Variants in PTPRK observed in about 807,000 individuals in gnomAD.
PTPRK encodes the protein protein tyrosine phosphatase receptor type K.
Under a neutral mutation model 178.0 loss-of-function variants are expected in PTPRK, and 75 were observed. That is an observed-to-expected ratio of 0.42 (90% confidence interval 0.35 to 0.51). The LOEUF (loss-of-function observed/expected upper bound fraction) is 0.51, where lower values mean the gene tolerates loss of function less well. Among genes scored for constraint, PTPRK ranks in the 20% least tolerant of loss-of-function variants. The pLI is 0.02. For synonymous variants in PTPRK, 637 were observed against 620.6 expected (o/e 1.03, Z -0.39); for missense variants, 1,441 against 1,797.8 (o/e 0.80, Z 3.59).
At chr6:128,270,406 T>G (rs901258701) in intron 3 of PTPRK, among the ~76,000 whole-genome samples, 2 of 152,122 alleles carry the variant, frequency 1.3e-5, no homozygotes, top group South Asian at 4.1e-4. Context: ...ATTAAATTAG[T>G]GACAAATAAA....
intron 1 of PTPRK, among the ~76,000 whole-genome samples, chr6:128,459,483 C>A (rs1252900373): frequency 6.6e-6 from 1 of 152,138 alleles, no homozygotes; most frequent in African/African-American, 2.4e-5. Context: ...CAGCTTTATA[C>A]CCAAAGCTGC....
rs773972257 is a variant in PTPRK, at chr6:127,970,303, G to T, written c.4270-23C>A. 1.1e-5 allele frequency: 17 copies of T among 1,599,048 alleles called. No homozygotes were observed. The South Asian group carries it at 1.9e-4, about 18-fold the overall frequency. ...CTCCTGAAAGATGTCAAAACACAAA[G>T]AGTGAGAAAACTTAAGAAAGAGACT... is the stretch of plus-strand genomic sequence containing the variant. On this transcript the variant is annotated intron_variant, in intron 29 of 29. Transcript: ENST00000368226.
intron 7 of PTPRK, among the ~76,000 whole-genome samples, chr6:128,102,624 C>A (rs537587583): frequency 6.6e-6 from 1 of 152,144 alleles, no homozygotes; most frequent in Non-Finnish European, 1.5e-5. Flanking sequence ...CCATTCATCC[C>A]AGGTGGAAGA....
intron 15 of PTPRK, chr6:128,000,199 G>A (rs1777645549): frequency 1.9e-6 from 2 of 1,075,760 alleles, no homozygotes; most frequent in South Asian, 2.1e-5. Flanking sequence ...AATGCATACT[G>A]TAGAGAATGA....
intron 1 of PTPRK, among the ~76,000 whole-genome samples, chr6:128,457,902 G>A (rs948854570): frequency 2.6e-5 from 4 of 152,132 alleles, no homozygotes; most frequent in Non-Finnish European, 2.9e-5. Context: ...ATCCAAACAC[G>A]AAAACATTGT....
intron 3 of PTPRK, among the ~76,000 whole-genome samples, chr6:128,279,170 C>A (rs1011681592): frequency 6.7e-6 from 1 of 150,132 alleles, no homozygotes; most frequent in Non-Finnish European, 1.5e-5. Context: ...TCATACAAAT[C>A]CCTGGGAGAA....
At chr6:128,505,595 A>G (rs1179707513) in intron 1 of PTPRK, among the ~76,000 whole-genome samples, 2 of 152,208 alleles carry the variant, frequency 1.3e-5, no homozygotes, top group Non-Finnish European at 2.9e-5. Context: ...TATCTCAGTG[A>G]CATTCAAGCC....
chr6:128,412,028 T>C (rs183939165), intron 1 of PTPRK, among the ~76,000 whole-genome samples: 4 of 152,250 alleles, frequency 2.6e-5, no homozygotes, highest in Non-Finnish European at 5.9e-5. Context: ...TAATACTGTT[T>C]GTTTTCCTCT....
Position 127,983,222 on chromosome 6 carries a change from C to T in PTPRK, c.3387+20G>A. The T allele has an allele frequency of 6.4e-7, 1 of 1,567,628 alleles. No individual in the cohort carries two copies. The highest frequency in any genetic ancestry group is 1.4e-5 in the African/African-American group (1 of 71,960). On this transcript the variant is annotated intron_variant, in intron 23 of 29. Transcript: ENST00000368226. ...AAAATAAAAAATAAAAAAAAGTCCA[C>T]TACAGGTAAATCTACATACCTCTGT...
intron 2 of PTPRK, among the ~76,000 whole-genome samples, chr6:128,334,832 T>C (rs1830701541): frequency 6.6e-6 from 1 of 152,166 alleles, no homozygotes; most frequent in Admixed American, 6.5e-5. Flanking sequence ...GGCTCACGCC[T>C]GTAATCCCCG....
intron 2 of PTPRK, among the ~76,000 whole-genome samples, chr6:128,352,191 T>C (rs1223220312): frequency 2.1e-5 from 3 of 142,812 alleles, no homozygotes; most frequent in East Asian, 2.2e-4. Flanking sequence ...GAGGTGAAGA[T>C]TGCAGTGAGC....
intron 5 of PTPRK, among the ~76,000 whole-genome samples, chr6:128,238,638 T>C (rs1379148651): frequency 1.3e-5 from 2 of 152,178 alleles, no homozygotes; most frequent in Non-Finnish European, 2.9e-5. Flanking sequence ...AAATCATTTT[T>C]AAACTATTAT....
At chr6:128,046,916 A>G (rs1778119641) in intron 13 of PTPRK, among the ~76,000 whole-genome samples, 1 of 152,152 alleles carries the variant, frequency 6.6e-6, no homozygotes, top group African/African-American at 2.4e-5. Context: ...TTTTCTTCTC[A>G]TGTTTGTTAT....
intron 13 of PTPRK, among the ~76,000 whole-genome samples, chr6:128,051,320 T>C (rs987445918): frequency 6.6e-6 from 1 of 152,196 alleles, no homozygotes; most frequent in African/African-American, 2.4e-5. Context: ...CTCCTTTTTA[T>C]CAGTAATGTA....
chr6:128,316,529 T>C (rs1828016244), intron 3 of PTPRK, among the ~76,000 whole-genome samples: 1 of 152,174 alleles, frequency 6.6e-6, no homozygotes, highest in Non-Finnish European at 1.5e-5. Flanking sequence ...TTTACATTAA[T>C]TGTTCTGTTA....
intron 1 of PTPRK, among the ~76,000 whole-genome samples, chr6:128,499,701 T>A (rs1855265150): frequency 6.6e-6 from 1 of 152,198 alleles, no homozygotes; most frequent in South Asian, 2.1e-4. Context: ...TAGAAATTCT[T>A]TTTGCATTGT....
intron 7 of PTPRK, among the ~76,000 whole-genome samples, chr6:128,172,675 T>C (rs1338894462): frequency 6.6e-6 from 1 of 151,716 alleles, no homozygotes; most frequent in Non-Finnish European, 1.5e-5. Context: ...CCACTATAGA[T>C]ATATGCATAT....
intron 5 of PTPRK, among the ~76,000 whole-genome samples, chr6:128,239,235 A>T (rs983451342): frequency 5.3e-5 from 8 of 151,700 alleles, no homozygotes; most frequent in Non-Finnish European, 8.8e-5. Context: ...AAATAATAAT[A>T]GAGGTGCTCA....
intron 7 of PTPRK, among the ~76,000 whole-genome samples, chr6:128,145,753 G>A (rs925460782): frequency 2.6e-5 from 4 of 152,062 alleles, no homozygotes; most frequent in Admixed American, 2.6e-4. Flanking sequence ...ATTACATTAG[G>A]TATAATGTGT....
Sources: gnomAD v4.1 joint callset for allele counts (sites outside exome capture counted in the v4.1 genomes callset) on GRCh38, gnomAD v4.1.1 for gene constraint, MANE v1.5 for transcripts, NCBI Gene and HGNC (gene_info 2026-07-23, HGNC 2026-07-21) for gene names.